Variants in ZNF449 observed in about 807,000 individuals in gnomAD.
ZNF449 encodes the protein zinc finger protein 449.
In ZNF449, 4 loss-of-function variants were observed where a neutral mutation model predicts 32.6. The observed-to-expected ratio is 0.12, with a 90% CI of 0.06 to 0.28. The LOEUF (loss-of-function observed/expected upper bound fraction) is 0.28. Ranked by LOEUF, ZNF449 falls within the 10% of genes least tolerant of loss-of-function variation. ZNF449 has a pLI of 1.00. For missense variants in ZNF449, 275 were observed against 383.2 expected (o/e 0.72, Z 2.36); for synonymous variants, 123 against 132.2 (o/e 0.93, Z 0.48).
At chrX:135,356,993 A>G (rs1382233031) in intron 3 of ZNF449, among the ~76,000 whole-genome samples, 1 of 110,815 alleles carries the variant, frequency 9.0e-6, no homozygotes, top group Non-Finnish European at 1.9e-5. Flanking sequence ...TGTAGTTCAA[A>G]CCCATGTTGT....
At chrX:135,358,732 T>G (rs1360687733) in intron 3 of ZNF449, among the ~76,000 whole-genome samples, 7 of 111,919 alleles carry the variant, frequency 6.3e-5, no homozygotes, top group Non-Finnish European at 1.1e-4. Context: ...TACCTAAGCC[T>G]TTGCTATTCT....
intron 3 of ZNF449, among the ~76,000 whole-genome samples, chrX:135,351,484 G>T (rs12392460): frequency 9.1e-6 from 1 of 109,667 alleles, no homozygotes; most frequent in Non-Finnish European, 1.9e-5. Flanking sequence ...GTTGAGTTTA[G>T]ATTTGAACAT....
chrX:135,353,189 G>A (rs2084897824), intron 3 of ZNF449, among the ~76,000 whole-genome samples: 1 of 110,503 alleles, frequency 9.0e-6, no homozygotes, highest in Non-Finnish European at 1.9e-5. Context: ...CAGAGCAAAG[G>A]ATCCAAGAGA....
intron 3 of ZNF449, among the ~76,000 whole-genome samples, chrX:135,351,242 G>T (rs962772518): frequency 1.1e-4 from 12 of 111,978 alleles, no homozygotes; most frequent in African/African-American, 3.9e-4. Flanking sequence ...CCATCATTCA[G>T]GTGAGAAGAT....
chrX:135,348,873 G>T, intron 2 of ZNF449: 2 of 1,019,703 alleles, frequency 2.0e-6, no homozygotes, highest in Non-Finnish European at 2.6e-6. Flanking sequence ...CAGAAGACTT[G>T]GTATGAAAAA....
rs1556453697 is a variant in ZNF449, at chrX:135,361,009, C to G, written c.1490C>G (p.Ser497Cys). ...GEKPYKCTHCSKSFRQRAGLI... is the reference protein window; with the variant it reads ...GEKPYKCTHCCKSFRQRAGLI... ...AAGCCATACAAGTGTACTCATTGTT[C>G]TAAAAGCTTCAGACAGAGAGCCGGC... The change falls in exon 5 of 5, where the codon TCT becomes TGT. Residue 497 changes from serine (S) to cysteine (C), a missense_variant. Ser to Cys is a moderately radical substitution (Grantham distance 112, BLOSUM62 -1). Transcript: ENST00000339249. 8.3e-7 allele frequency: 1 copy of G among 1,205,862 alleles called. No homozygotes were observed. The highest frequency in any genetic ancestry group is 1.1e-6 in the Non-Finnish European group (1 of 893,702).
At chrX:135,351,448 G>C (rs1368466198) in intron 3 of ZNF449, among the ~76,000 whole-genome samples, 1 of 110,818 alleles carries the variant, frequency 9.0e-6, no homozygotes, top group Non-Finnish European at 1.9e-5. Context: ...ACAAACAAAA[G>C]AGGAAGATCA....
intron 3 of ZNF449, among the ~76,000 whole-genome samples, chrX:135,358,503 C>A (rs2084929395): frequency 9.0e-6 from 1 of 111,476 alleles, no homozygotes; most frequent in Admixed American, 9.5e-5. Flanking sequence ...TTGCTCTTAC[C>A]CACCTCATTT....
rs1278255411 is a variant in ZNF449 at position 135,362,694 on chromosome X, T to C, written c.*1618T>C. 1 of 112,070 alleles carries C rather than the reference T, an allele frequency of 8.9e-6. No individual in the cohort carries two copies. The highest frequency in any genetic ancestry group is 4.2e-3 in the Middle Eastern group (1 of 237). The allele number at this position is 112,070 out of a possible 1,213,427, so 9.2% of individuals were successfully genotyped here. A position where few individuals can be genotyped will look rare whatever the true frequency, so the allele number is the denominator to read the frequency against. ...TTGAAGTTCTCGAGAGTGATATAAA[T>C]ACTTTGGGGGGTATCTACTATGTGC... On this transcript the variant is annotated 3_prime_UTR_variant, in exon 5 of 5. Coordinates refer to ENST00000339249, the MANE Select transcript of ZNF449 (RefSeq NM_152695.6).
chrX:135,354,290 C>G (rs996259469), intron 3 of ZNF449, among the ~76,000 whole-genome samples: 3 of 111,924 alleles, frequency 2.7e-5, no homozygotes, highest in African/African-American at 9.7e-5. Context: ...CAGAGTAGGG[C>G]AAATATCTGT....
Position 135,347,200 on chromosome X carries a change from G to T in ZNF449, c.82G>T (p.Val28Phe), listed in dbSNP as rs782230558. The change falls in exon 2 of 5, where the codon GTT (valine) becomes TTT (phenylalanine). Residue 28 changes from valine (V) to phenylalanine (F), a missense_variant. This residue lies in a region of ZNF449 where 30 missense variants were observed against 61.6 expected (regional missense o/e 0.49). Coordinates refer to ENST00000339249, the MANE Select transcript of ZNF449 (RefSeq NM_152695.6). ...TCAAGAATATGATACTGACTGTGAA[G>T]TTTTCCGTCAGCGCTTCAGGCAGTT... ...VFQEYDTDCEVFRQRFRQFQY... is the reference protein window; with the variant it reads ...VFQEYDTDCEFFRQRFRQFQY... 9.9e-6 allele frequency: 12 copies of T among 1,212,340 alleles called. No individual in the cohort carries two copies. The South Asian group carries it at 1.9e-4, about 19-fold the overall frequency.
Position 135,349,050 on chromosome X carries a change from C to T in ZNF449, c.355-60C>T, listed in dbSNP as rs140937801. 107 of 1,154,435 alleles carry T rather than the reference C, an allele frequency of 9.3e-5. No homozygotes were observed. The African/African-American group carries it at 1.7e-3, about 18-fold the overall frequency. ...TAAAATTACATGCATGATTCTCATACAATTCTACTGGGCACTGTTGGTCTA... is the reference window on the plus strand; with the variant it reads ...TAAAATTACATGCATGATTCTCATATAATTCTACTGGGCACTGTTGGTCTA... On this transcript the variant is annotated intron_variant, in intron 2 of 4. Coordinates refer to ENST00000339249, the MANE Select transcript of ZNF449 (RefSeq NM_152695.6).
Position 135,362,567 on chromosome X carries a change from T to C in ZNF449, c.*1491T>C, listed in dbSNP as rs2084952964. On this transcript the variant is annotated 3_prime_UTR_variant, in exon 5 of 5. Coordinates refer to ENST00000339249, the MANE Select transcript of ZNF449 (RefSeq NM_152695.6). ...ATTCATTGAGCCTAGTTCCTTGTTA[T>C]AAAATACAAGAAATAAGACATTCAG... The C allele has an allele frequency of 8.9e-6, 1 of 112,487 alleles. No homozygotes were observed. Among genetic ancestry groups the C allele is most frequent in the African/African-American group, 3.2e-5 (1 of 31,020 alleles). The allele number at this position is 112,487 out of a possible 1,213,427, so 9.3% of individuals were successfully genotyped here. A position where few individuals can be genotyped will look rare whatever the true frequency, so the allele number is the denominator to read the frequency against.
In ZNF449 at chrX:135,359,923, C is replaced by G; in HGVS notation, c.591C>G (p.Phe197Leu). The G allele has an allele frequency of 4.2e-6, 5 of 1,199,749 alleles. No individual in the cohort carries two copies. The highest frequency in any genetic ancestry group is 5.6e-6 in the Non-Finnish European group (5 of 887,813). Residue 197 changes from phenylalanine (F) to leucine (L), a missense_variant, in exon 4 of 5, where the codon TTC (phenylalanine) becomes TTG (leucine). By Grantham distance (22) the Phe-to-Leu change is conservative (BLOSUM62 0). Around this residue, in one of 3 missense-constraint regions of ZNF449, gnomAD observed 165 missense variants for 175.0 expected, o/e 0.94. Coordinates refer to ENST00000339249, the MANE Select transcript of ZNF449 (RefSeq NM_152695.6). The part of the protein sequence containing the change: ...GYPLPKLDMN[F>L]SLENREEPWV... ...CATTACCAAAACTTGACATGAACTT[C>G]TCATTGGAGAATAGAGAAGAGCCAT...
At position 135,346,411 on chromosome X, in the gene ZNF449, G is replaced by A. The variant is rs191793885; in HGVS notation, c.-100-608G>A. On this transcript the variant is annotated intron_variant, in intron 1 of 4. Transcript: ENST00000339249. ...GGCTCTACCTAAGTTCACTTTGGTC[G>A]AAGGCCATTAGGAGATACTTAAAGC... Among the ~76,000 whole-genome samples the A allele has an allele frequency of 6.8e-3, 762 of 112,114 alleles. 2 individuals are homozygous for A. Among genetic ancestry groups the A allele is most frequent in the Admixed American group, 0.013 (138 of 10,632 alleles).
intron 3 of ZNF449, among the ~76,000 whole-genome samples, chrX:135,351,338 G>A (rs1428501425): frequency 1.8e-5 from 2 of 109,583 alleles, no homozygotes; most frequent in African/African-American, 6.6e-5. Context: ...TATAGAGCTT[G>A]GTGATTGGGT....
chrX:135,355,394 G>A (rs1454847784), intron 3 of ZNF449, among the ~76,000 whole-genome samples: 1 of 109,261 alleles, frequency 9.2e-6, no homozygotes, highest in Non-Finnish European at 1.9e-5. Flanking sequence ...TTTTTTTGGG[G>A]GGGCCTCTTC....
rs1456473778 is a variant in ZNF449 at position 135,361,613 on chromosome X, G to T, written c.*537G>T. 2 of 111,429 alleles carry T rather than the reference G, an allele frequency of 1.8e-5. No individual in the cohort carries two copies. The highest frequency in any genetic ancestry group is 3.3e-5 in the African/African-American group (1 of 30,656). The allele number at this position is 111,429 out of a possible 1,213,427, so 9.2% of individuals were successfully genotyped here. Reference sequence around the variant, plus strand: ...ATGTCATTTGCCTGGTAAGAACTGGGTTATTTCCACTGAAATTTGTTATGT... The same window carrying T: ...ATGTCATTTGCCTGGTAAGAACTGGTTTATTTCCACTGAAATTTGTTATGT... On this transcript the variant is annotated 3_prime_UTR_variant, in exon 5 of 5. Transcript: ENST00000339249.
rs781785644 is a variant in ZNF449 at position 135,347,067 on chromosome X, G to A, written c.-52G>A. 31 of 1,116,292 alleles carry A rather than the reference G, an allele frequency of 2.8e-5. No individual in the cohort carries two copies. Among genetic ancestry groups the A allele is most frequent in the South Asian group, 6.4e-5 (3 of 46,795 alleles). 92.0% of individuals were successfully genotyped at this position (1,116,292 alleles called of 1,213,427 possible). A position where few individuals can be genotyped will look rare whatever the true frequency, so the allele number is the denominator to read the frequency against. ...CAACGATTTCAGAGAGAAACAAGTC[G>A]GAATCTGAGAAGTGAGGCTCCAGAT... is the stretch of plus-strand genomic sequence containing the variant. On this transcript the variant is annotated 5_prime_UTR_variant, in exon 2 of 5. Transcript: ENST00000339249.
Sources: allele counts gnomAD v4.1 joint callset (sites outside exome capture counted in the v4.1 genomes callset), GRCh38; gene constraint gnomAD v4.1.1; regional missense constraint gnomAD v4.1.1; transcripts MANE v1.5; gene names NCBI Gene and HGNC (gene_info 2026-07-23, HGNC 2026-07-21).